The following OXSR1 variants were observed in gnomAD, a reference collection of about 807,000 sequenced individuals.
The protein encoded by OXSR1 is serine/threonine-protein kinase OSR1.
In OXSR1, 24 loss-of-function variants were observed where a neutral mutation model predicts 79.8. That is an observed-to-expected ratio of 0.30 (90% confidence interval 0.22 to 0.42). The LOEUF (loss-of-function observed/expected upper bound fraction) is 0.42, where lower values mean the gene tolerates loss of function less well. Among genes scored for constraint, OXSR1 ranks in the 10% least tolerant of loss-of-function variants. The pLI is 1.00. For missense variants in OXSR1, 430 were observed against 618.4 expected (o/e 0.70, Z 3.23); for synonymous variants, 226 against 209.2 (o/e 1.08, Z -0.69).
chr3:38,235,358 A>C (rs763170427), intron 10 of OXSR1, among the ~76,000 whole-genome samples: 1 of 152,214 alleles, frequency 6.6e-6, no homozygotes, highest in Non-Finnish European at 1.5e-5. Flanking sequence ...CCCAGAAAAG[A>C]GTTCAAAAGG....
At chr3:38,210,280 A>G (rs976368451) in intron 4 of OXSR1, among the ~76,000 whole-genome samples, 4 of 152,108 alleles carry the variant, frequency 2.6e-5, no homozygotes, top group African/African-American at 7.2e-5. Flanking sequence ...TTCCCCCCCA[A>G]GGTGAGACAG....
At chr3:38,207,805 TGCC>T (rs1481908827) in intron 4 of OXSR1, among the ~76,000 whole-genome samples, 1 of 152,130 alleles carries the variant, frequency 6.6e-6, no homozygotes, top group Non-Finnish European at 1.5e-5. Flanking sequence ...TGTGAAATGT[TGCC>T]TTTCTTCGGG....
At chr3:38,201,412 A>G (rs574673588) in intron 4 of OXSR1, among the ~76,000 whole-genome samples, 2 of 151,560 alleles carry the variant, frequency 1.3e-5, no homozygotes, top group Non-Finnish European at 2.9e-5. Flanking sequence ...AAAATTTTTT[A>G]AAATTATCCA....
chr3:38,213,325 GA>G (rs1559514880), intron 4 of OXSR1, among the ~76,000 whole-genome samples: 1 of 151,874 alleles, frequency 6.6e-6, no homozygotes, highest in Non-Finnish European at 1.5e-5. Context: ...ATCTAACCAT[GA>G]AAAAAACATT....
At chr3:38,165,531 A>C (rs2125794594), upstream of OXSR1, 2 of 259,286 alleles carry the variant, frequency 7.7e-6, no homozygotes, top group Non-Finnish European at 1.5e-5. Context: ...GAAGAGGGGA[A>C]AGTTTGGCCC....
chr3:38,224,856 T>G (rs1489209969), intron 8 of OXSR1, 152 bp downstream of exon 8: 6 of 542,486 alleles, frequency 1.1e-5, no homozygotes, highest in Non-Finnish European at 3.2e-6. Context: ...GGATTGGAAA[T>G]GAATTGATTT....
At chr3:38,235,921 T>A (rs1256574667) in intron 10 of OXSR1, among the ~76,000 whole-genome samples, 1 of 152,158 alleles carries the variant, frequency 6.6e-6, no homozygotes, top group Non-Finnish European at 1.5e-5. Context: ...ATCCTCTGGC[T>A]GATGGTAGAA....
rs375009566 is a variant in OXSR1, at chr3:38,198,747, C to T, written c.318C>T (p.His106=). Residue 106 remains histidine (H), a synonymous_variant, in exon 4 of 18, where the codon CAC becomes CAT. Coordinates refer to ENST00000311806, the MANE Select transcript of OXSR1 (RefSeq NM_005109.3). The part of the protein sequence containing the change: ...SGGSVLDIIK[H]IVAKGEHKSG... ...GTTCTGTTCTGGATATTATTAAGCA[C>T]ATTGTGGCAAAAGGGGAACACAAAA... The T allele has an allele frequency of 1.3e-5, 21 of 1,612,974 alleles. No individual in the cohort carries two copies. The highest frequency in any genetic ancestry group is 1.8e-5 in the Non-Finnish European group (21 of 1,179,286).
intron 10 of OXSR1, among the ~76,000 whole-genome samples, chr3:38,233,620 G>A (rs1012956849): frequency 1.3e-5 from 2 of 152,096 alleles, no homozygotes; most frequent in African/African-American, 4.8e-5. Flanking sequence ...TTAGAGATAA[G>A]AGTTTATATT....
intron 10 of OXSR1, among the ~76,000 whole-genome samples, chr3:38,236,225 CAG>C (rs955869620): frequency 3.1e-5 from 3 of 95,374 alleles, no homozygotes; most frequent in Non-Finnish European, 6.3e-5. Flanking sequence ...GATTTCATAA[CAG>C]AGTTAAATTT....
intron 15 of OXSR1, 74 bp downstream of exon 15, chr3:38,250,092 G>A (rs777833300): frequency 9.4e-7 from 1 of 1,062,832 alleles, no homozygotes; most frequent in Non-Finnish European, 1.4e-6. Flanking sequence ...TGAAGTTTCT[G>A]TCCTTTGTGA....
At position 38,223,881 on chromosome 3, in the gene OXSR1, G is replaced by A. The variant is rs913448864; in HGVS notation, c.670G>A (p.Ala224Thr). 1.2e-6 allele frequency: 2 copies of A among 1,605,928 alleles called. No homozygotes were observed. The highest frequency in any genetic ancestry group is 3.4e-5 in the Admixed American group (2 of 59,420). Residue 224 changes from alanine to threonine, a missense_variant, in exon 7 of 18, where the codon GCG becomes ACG. Ala to Thr is a moderately conservative substitution (Grantham distance 58, BLOSUM62 0). Transcript: ENST00000311806. The stretch of plus-strand genomic sequence containing the variant: ...TACAGCAATTGAATTGGCTACAGGG[G>A]CGGCTCCTTATCATAAATATCCACC... ...GITAIELATG[A>T]APYHKYPPMK...
intron 10 of OXSR1, among the ~76,000 whole-genome samples, chr3:38,235,068 A>C (rs1418542051): frequency 2.0e-5 from 3 of 152,246 alleles, no homozygotes; most frequent in Non-Finnish European, 4.4e-5. Flanking sequence ...ATTAGTGGTA[A>C]CTTAGGACTG....
At chr3:38,195,276 T>C (rs1702053493) in intron 3 of OXSR1, among the ~76,000 whole-genome samples, 2 of 152,216 alleles carry the variant, frequency 1.3e-5, no homozygotes, top group Non-Finnish European at 2.9e-5. Context: ...AAATCTAATG[T>C]AAATTCACTG....
At chr3:38,168,909 A>G (rs1245564801) in intron 1 of OXSR1, among the ~76,000 whole-genome samples, 1 of 152,172 alleles carries the variant, frequency 6.6e-6, no homozygotes, top group Non-Finnish European at 1.5e-5. Context: ...GGCTGTTTGG[A>G]ACAAGGCTGC....
intron 4 of OXSR1, among the ~76,000 whole-genome samples, chr3:38,214,635 T>C (rs760132612): frequency 6.6e-6 from 1 of 152,224 alleles, no homozygotes; most frequent in Non-Finnish European, 1.5e-5. Context: ...AATCTGAGAC[T>C]AGATTCATGG....
chr3:38,217,504 G>C (rs1702505299), intron 5 of OXSR1, among the ~76,000 whole-genome samples: 2 of 152,028 alleles, frequency 1.3e-5, no homozygotes, highest in Admixed American at 1.3e-4. Context: ...TTATATACTG[G>C]AATACCGGGT....
intron 3 of OXSR1, among the ~76,000 whole-genome samples, chr3:38,193,936 T>C (rs182687229): frequency 1.3e-5 from 2 of 152,224 alleles, no homozygotes; most frequent in Non-Finnish European, 1.5e-5. Context: ...TGAAATCTTT[T>C]GTTGTTATAA....
chr3:38,190,036 A>T (rs1326544581), intron 2 of OXSR1, among the ~76,000 whole-genome samples: 2 of 152,166 alleles, frequency 1.3e-5, no homozygotes, highest in African/African-American at 4.8e-5. Context: ...CAGAAGGAAG[A>T]ATTGGAGTTA....
Sources: gnomAD v4.1 joint callset for allele counts (sites outside exome capture counted in the v4.1 genomes callset) on GRCh38, gnomAD v4.1.1 for gene constraint, MANE v1.5 for transcripts, NCBI Gene and HGNC (gene_info 2026-07-23, HGNC 2026-07-21) for gene names.